The following ACSL3 variants were observed in gnomAD, a reference collection of about 807,000 sequenced individuals.
The protein encoded by ACSL3 is acyl-CoA synthetase long chain family member 3, also known as fatty acid CoA ligase Acsl3.
A neutral mutation model predicts 84.7 loss-of-function variants in ACSL3; 34 were observed. The observed-to-expected ratio is 0.40, with a 90% confidence interval of 0.31 to 0.53. The LOEUF (loss-of-function observed/expected upper bound fraction) is 0.53, where lower values mean the gene tolerates loss of function less well. Ranked by LOEUF, ACSL3 falls within the 20% of genes least tolerant of loss-of-function variation. ACSL3 has a pLI of 0.48. For missense variants in ACSL3, 680 were observed against 873.1 expected (o/e 0.78, Z 2.79); for synonymous variants, 315 against 299.4 (o/e 1.05, Z -0.54).
rs546096163 is a variant in ACSL3, at chr2:222,942,689, G to A, written c.*1035G>A. 1.4e-5 allele frequency: 3 copies of A among 210,812 alleles called. No homozygotes were observed. In the East Asian group the frequency reaches 2.2e-4, roughly 15 times the overall value. 13.1% of individuals were successfully genotyped at this position (210,812 alleles called of 1,614,324 possible). A position where few individuals can be genotyped will look rare whatever the true frequency, so the allele number is the denominator to read the frequency against. On this transcript the variant is annotated 3_prime_UTR_variant, in exon 17 of 17. Transcript: ENST00000357430. ...AGTTTGCACTGATGCGTGTATGGAT[G>A]TGTGTGAGTCAGTGGTAGCTTATTT...
chr2:222,881,831 G>A (rs996639488), intron 1 of ACSL3, among the ~76,000 whole-genome samples: 5 of 152,148 alleles, frequency 3.3e-5, no homozygotes, highest in African/African-American at 1.2e-4. Context: ...TTAAGAAAAT[G>A]TATGGTGATG....
At position 222,927,638 on chromosome 2, in the gene ACSL3, A is replaced by T. The variant is rs530955859; in HGVS notation, c.1465+449A>T. On this transcript the variant is annotated intron_variant, in intron 12 of 16. Transcript: ENST00000357430. The stretch of plus-strand genomic sequence containing the variant: ...AAGGAACTAAGTTCTGGTCTAGGGA[A>T]TATTATTACCAGAGTTTATCATGTG... Among the ~76,000 whole-genome samples the T allele has an allele frequency of 3.9e-5, 6 of 152,282 alleles. No individual in the cohort carries two copies. In the East Asian group the frequency reaches 9.6e-4, roughly 24 times the overall value.
At chr2:222,868,587 T>TA (rs1276472023) in intron 1 of ACSL3, among the ~76,000 whole-genome samples, 4 of 152,204 alleles carry the variant, frequency 2.6e-5, no homozygotes, top group Non-Finnish European at 5.9e-5. Context: ...TGGGAAGAGA[T>TA]ACTGTAAACT....
Position 222,916,404 on chromosome 2 carries a change from G to C in ACSL3, c.464G>C (p.Gly155Ala). Residue 155 changes from glycine (G) to alanine (A), a missense_variant, in exon 5 of 17, where the codon GGT (glycine) becomes GCT (alanine). Around this residue, in one of 2 missense-constraint regions of ACSL3, gnomAD observed 333 missense variants for 347.5 expected, o/e 0.96. Transcript: ENST00000357430. ...TTTGGAAATGGATTACAGATGTTGG[G>C]TCAGAAACCAAAGACCAACATCGCC... ...FNFGNGLQML[G>A]QKPKTNIAIF... is the part of the protein sequence containing the mutation. 1 of 1,613,990 alleles carries C rather than the reference G, an allele frequency of 6.2e-7. No homozygotes were observed. Among genetic ancestry groups the C allele is most frequent in the Non-Finnish European group, 8.5e-7 (1 of 1,179,964 alleles).
chr2:222,869,385 C>T (rs1167402004), intron 1 of ACSL3, among the ~76,000 whole-genome samples: 3 of 152,060 alleles, frequency 2.0e-5, no homozygotes, highest in East Asian at 1.9e-4. Context: ...TCCTTTTTTT[C>T]TGTTTTCCCT....
At chr2:222,865,424 GATTC>G (rs1351767386) in intron 1 of ACSL3, among the ~76,000 whole-genome samples, 15 of 152,132 alleles carry the variant, frequency 9.9e-5, no homozygotes, top group African/African-American at 3.6e-4. Flanking sequence ...TGTTATTAAG[GATTC>G]ATTCATTCAT....
At position 222,927,080 on chromosome 2, in the gene ACSL3, C is replaced by T. The variant is rs764184238; in HGVS notation, c.1356C>T (p.Gly452=). The change falls in exon 12 of 17, where the codon GGC becomes GGT. Residue 452 remains glycine (G), a synonymous_variant. Coordinates refer to ENST00000357430, the MANE Select transcript of ACSL3 (RefSeq NM_004457.5). ...GGNIRLLLCG[G]APLSATTQRF... is the part of the protein sequence containing the mutation. ...ATATTCGTCTCCTGTTGTGTGGTGG[C>T]GCTCCACTTTCTGCAACCACGCAGC... 11 of 1,614,068 alleles carry T rather than the reference C, an allele frequency of 6.8e-6. No homozygotes were observed. The highest frequency in any genetic ancestry group is 3.3e-4 in the Middle Eastern group (2 of 6,060).
rs138221382 is a variant in ACSL3, at chr2:222,934,623, G to A, written c.1941G>A (p.Glu647=). ...AAGGACTTAAAGGGACTTGGGAGGA[G>A]CTGTGTAACAGTTGTGAAATGGAAA... ...RKKGLKGTWE[E]LCNSCEMENE... The change falls in exon 16 of 17, where the codon GAG becomes GAA. Residue 647 remains glutamate (E), a synonymous_variant. Coordinates refer to ENST00000357430, the MANE Select transcript of ACSL3 (RefSeq NM_004457.5). 4.4e-6 allele frequency: 7 copies of A among 1,609,110 alleles called. No individual in the cohort carries two copies. The Admixed American group carries it at 8.4e-5, about 19-fold the overall frequency.
chr2:222,869,244 A>G (rs762967981), intron 1 of ACSL3, among the ~76,000 whole-genome samples: 18 of 152,334 alleles, frequency 1.2e-4, no homozygotes, highest in South Asian at 2.1e-4. Flanking sequence ...TGAGCGAGTG[A>G]CTTAACCTTT....
At chr2:222,873,181 T>C (rs1695351486) in intron 1 of ACSL3, among the ~76,000 whole-genome samples, 1 of 152,236 alleles carries the variant, frequency 6.6e-6, no homozygotes, top group Admixed American at 6.5e-5. Context: ...TGATTAGCAA[T>C]GTTACAGTTT....
chr2:222,894,613 A>G (rs1022408474), intron 2 of ACSL3, among the ~76,000 whole-genome samples: 5 of 152,206 alleles, frequency 3.3e-5, no homozygotes, highest in African/African-American at 1.2e-4. Flanking sequence ...GAGTTGTTAA[A>G]TTCTTCATGG....
chr2:222,887,538 A>G (rs1490930429), intron 1 of ACSL3, among the ~76,000 whole-genome samples: 2 of 152,190 alleles, frequency 1.3e-5, no homozygotes, highest in South Asian at 4.1e-4. Context: ...CATTCCCACC[A>G]GCAATGAATG....
intron 2 of ACSL3, among the ~76,000 whole-genome samples, chr2:222,895,361 T>C (rs1050659499): frequency 1.3e-5 from 2 of 152,182 alleles, no homozygotes; most frequent in Non-Finnish European, 2.9e-5. Flanking sequence ...CTCTTCTGCA[T>C]AATACTTTCC....
At chr2:222,880,735 CAGG>C (rs1390112388) in intron 1 of ACSL3, among the ~76,000 whole-genome samples, 2 of 149,546 alleles carry the variant, frequency 1.3e-5, no homozygotes, top group African/African-American at 2.5e-5. Flanking sequence ...GAGGCTGAGA[CAGG>C]AGAATGGCGT....
intron 2 of ACSL3, among the ~76,000 whole-genome samples, chr2:222,898,847 C>T (rs945830770): frequency 1.7e-4 from 26 of 151,770 alleles, no homozygotes; most frequent in African/African-American, 3.6e-4. Context: ...AACAAACAAA[C>T]GAAAACAAAA....
At chr2:222,936,499 ATTAG>A (rs1384599361) in intron 16 of ACSL3, among the ~76,000 whole-genome samples, 2 of 151,784 alleles carry the variant, frequency 1.3e-5, no homozygotes, top group Non-Finnish European at 2.9e-5. Context: ...TTCTCTTTTT[ATTAG>A]TTATGTTGGG....
intron 1 of ACSL3, among the ~76,000 whole-genome samples, chr2:222,882,430 A>G (rs908128384): frequency 2.6e-5 from 4 of 152,148 alleles, no homozygotes; most frequent in African/African-American, 9.7e-5. Context: ...CTAGGGACCC[A>G]GTTTCGTGGA....
intron 2 of ACSL3, among the ~76,000 whole-genome samples, chr2:222,890,043 G>C (rs2106101886): frequency 6.6e-6 from 1 of 152,326 alleles, no homozygotes; most frequent in Non-Finnish European, 1.5e-5. Context: ...TTGACTAAAG[G>C]AAGTAATCGG....
rs1697398341 is a variant in ACSL3, at chr2:222,944,141, G to C, written c.*2487G>C. 1.3e-5 allele frequency: 2 copies of C among 152,032 alleles called. No homozygotes were observed. The highest frequency in any genetic ancestry group is 2.9e-5 in the Non-Finnish European group (2 of 67,968). The allele number at this position is 152,032 out of a possible 1,614,324, so 9.4% of individuals were successfully genotyped here. ...CTGACACAGAACAAACCTGAAAGTA[G>C]TATCTACTTTCTAAATACTACTTTG... is the stretch of plus-strand genomic sequence containing the variant. On this transcript the variant is annotated 3_prime_UTR_variant, in exon 17 of 17. Coordinates refer to ENST00000357430, the MANE Select transcript of ACSL3 (RefSeq NM_004457.5).
Sources: allele counts gnomAD v4.1 joint callset (sites outside exome capture counted in the v4.1 genomes callset), GRCh38; gene constraint gnomAD v4.1.1; regional missense constraint gnomAD v4.1.1; transcripts MANE v1.5; gene names NCBI Gene and HGNC (gene_info 2026-07-23, HGNC 2026-07-21).